Variants in CSMD3 observed in about 807,000 individuals in gnomAD.
The protein encoded by CSMD3 is CUB and Sushi multiple domains 3, also known as CUB and sushi domain-containing protein 3.
A neutral mutation model predicts 435.2 loss-of-function variants in CSMD3; 177 were observed. That is an observed-to-expected ratio of 0.41 (90% CI 0.36 to 0.46). The LOEUF (loss-of-function observed/expected upper bound fraction) is 0.46, where lower values mean the gene tolerates loss of function less well. Among genes scored for constraint, CSMD3 ranks in the 20% least tolerant of loss-of-function variants. CSMD3 has a pLI of 0.34. For synonymous variants in CSMD3, 1,656 were observed against 1,520.5 expected, an observed-to-expected ratio of 1.09 and a Z score of -2.07; for missense variants, 4,265 against 4,504.6, an observed-to-expected ratio of 0.95 and a Z score of 1.52.
chr8:112,800,417 C>T (rs2078933358), intron 12 of CSMD3, 143 bp from the exon 13 acceptor site: 1 of 676,404 alleles, frequency 1.5e-6, no homozygotes, highest in East Asian at 2.7e-5. Context: ...GTTGATGTGA[C>T]AGAAGAAAAA....
chr8:112,533,153 T>A (rs1331217237), intron 27 of CSMD3, among the ~76,000 whole-genome samples: 1 of 151,894 alleles, frequency 6.6e-6, no homozygotes, highest in African/African-American at 2.4e-5. Flanking sequence ...GATTCAAACA[T>A]ACTAACTTTG....
intron 64 of CSMD3, 96 bp from the exon 65 acceptor site, chr8:112,244,669 C>T: frequency 1.3e-5 from 10 of 798,502 alleles, no homozygotes; most frequent in South Asian, 3.0e-5. Context: ...TACTTCAATG[C>T]CTTTATATAC....
intron 1 of CSMD3, among the ~76,000 whole-genome samples, chr8:113,420,739 G>A (rs957088453): frequency 1.1e-4 from 17 of 152,100 alleles, no homozygotes; most frequent in African/African-American, 4.1e-4. Flanking sequence ...CCTGAGGTCA[G>A]GAGTTGAGGA....
At chr8:113,389,696 G>GT (rs1222689418) in intron 1 of CSMD3, among the ~76,000 whole-genome samples, 2 of 151,706 alleles carry the variant, frequency 1.3e-5, no homozygotes, top group East Asian at 3.9e-4. Context: ...TATGCTAGCT[G>GT]TTTGATCCTG....
chr8:113,426,759 G>A (rs1348756120), intron 1 of CSMD3, among the ~76,000 whole-genome samples: 1 of 151,324 alleles, frequency 6.6e-6, no homozygotes. Flanking sequence ...AACAACAATT[G>A]GATGCATTCT....
chr8:113,029,869 T>G (rs1021022677), intron 5 of CSMD3, among the ~76,000 whole-genome samples: 3 of 151,246 alleles, frequency 2.0e-5, no homozygotes, highest in African/African-American at 2.4e-5. Flanking sequence ...TTGTTTGCCT[T>G]GAAAACCCTA....
At chr8:112,410,604 G>GTA (rs369175036) in intron 32 of CSMD3, among the ~76,000 whole-genome samples, 3,894 of 38,336 alleles carry the variant, frequency 0.1, 611 homozygotes, top group Non-Finnish European at 0.12. Flanking sequence ...ATATATATGT[G>GTA]TATATATATA....
rs1001107302 is a variant in CSMD3 at position 112,936,398 on chromosome 8, T to A, written c.1508+11392A>T. ...CAGCATTTACAACATAATAAGGATA[T>A]TTTCTTTCACAAAATTTACATATAC... On this transcript the variant is annotated intron_variant, in intron 9 of 70. Transcript: ENST00000297405. Among the ~76,000 whole-genome samples the A allele has an allele frequency of 2.0e-4, 31 of 152,126 alleles. 1 individual carries two copies.
chr8:112,347,020 C>A (rs909226100), intron 40 of CSMD3, among the ~76,000 whole-genome samples: 2 of 151,946 alleles, frequency 1.3e-5, no homozygotes, highest in African/African-American at 4.8e-5. Context: ...GAGAAGTTCA[C>A]ATATTACACA....
At position 112,685,615 on chromosome 8, in the gene CSMD3, C is replaced by T. The variant is rs1286397306; in HGVS notation, c.2273G>A (p.Arg758Gln). Residue 758 changes from arginine to glutamine, a missense_variant, in exon 15 of 71, where the codon CGG becomes CAG. Transcript: ENST00000297405. ...IWTIISDPGS[R>Q]IHLSFNDFDL... is the part of the protein sequence containing the mutation. ...AAAGTCATTGAAAGAAAGATGTATC[C>T]GGCTCCCTGGATCAGAGATTATCGT... 3 of 1,613,740 alleles carry T rather than the reference C, an allele frequency of 1.9e-6. No individual in the cohort carries two copies. The highest frequency in any genetic ancestry group is 1.7e-6 in the Non-Finnish European group (2 of 1,179,776).
chr8:112,337,759 T>C, intron 42 of CSMD3, 28 bp from the exon 43 acceptor site: 1 of 1,586,834 alleles, frequency 6.3e-7, no homozygotes, highest in Non-Finnish European at 8.6e-7. Flanking sequence ...AAAGACATTT[T>C]TTCTTTCCAA....
At chr8:112,678,833 T>C (rs1044651174) in intron 16 of CSMD3, among the ~76,000 whole-genome samples, 9 of 152,138 alleles carry the variant, frequency 5.9e-5, no homozygotes, top group Non-Finnish European at 2.9e-5. Flanking sequence ...TTTGAAATGT[T>C]TAATATGAAG....
At chr8:112,892,797 C>T (rs1458012708) in intron 10 of CSMD3, among the ~76,000 whole-genome samples, 4 of 151,304 alleles carry the variant, frequency 2.6e-5, no homozygotes. Flanking sequence ...CAGTACTTAA[C>T]CTGCAATTTT....
chr8:112,260,203 A>G (rs920960449), intron 61 of CSMD3, among the ~76,000 whole-genome samples: 1 of 152,210 alleles, frequency 6.6e-6, no homozygotes, highest in Non-Finnish European at 1.5e-5. Context: ...ATGGATTTGC[A>G]TACCCAATGG....
intron 1 of CSMD3, among the ~76,000 whole-genome samples, chr8:113,325,227 T>C (rs1223885969): frequency 1.3e-5 from 2 of 152,124 alleles, no homozygotes; most frequent in East Asian, 3.9e-4. Context: ...GAGGACATGA[T>C]ATTTGGGAGG....
At chr8:113,044,462 A>G (rs1180425922) in intron 5 of CSMD3, among the ~76,000 whole-genome samples, 1 of 149,134 alleles carries the variant, frequency 6.7e-6, no homozygotes, top group Non-Finnish European at 1.5e-5. Flanking sequence ...CACTATGCCC[A>G]GCCTAGACTG....
intron 22 of CSMD3, among the ~76,000 whole-genome samples, chr8:112,629,080 A>C (rs2074436779): frequency 6.6e-6 from 1 of 152,224 alleles, no homozygotes; most frequent in Admixed American, 6.5e-5. Context: ...TAAGGTAGAT[A>C]ATGATAGATA....
intron 3 of CSMD3, among the ~76,000 whole-genome samples, chr8:113,212,908 A>T (rs1035839373): frequency 6.8e-4 from 48 of 70,538 alleles, no homozygotes; most frequent in African/African-American, 2.9e-3. Context: ...TATATATATT[A>T]AAAAAAAAAA....
rs971779929 is a variant in CSMD3 at position 112,688,422 on chromosome 8, T to G, written c.2155+1446A>C. Reference sequence around the variant, plus strand: ...TTTACAAAATTCTTGTATCTACTCCTGCCTGTTTTATTACTTAGCTATATG... The same window carrying G: ...TTTACAAAATTCTTGTATCTACTCCGGCCTGTTTTATTACTTAGCTATATG... On this transcript the variant is annotated intron_variant, in intron 14 of 70. Transcript: ENST00000297405. Among the ~76,000 whole-genome samples, 5 of 152,166 alleles carry G rather than the reference T, an allele frequency of 3.3e-5. No homozygotes were observed. The East Asian group carries it at 9.6e-4, about 29-fold the overall frequency.
Sources: allele counts gnomAD v4.1 joint callset (sites outside exome capture counted in the v4.1 genomes callset), GRCh38; gene constraint gnomAD v4.1.1; transcripts MANE v1.5; gene names NCBI Gene and HGNC (gene_info 2026-07-23, HGNC 2026-07-21).